FLNC: variants seen among roughly 807,000 people sequenced by gnomAD.
The protein encoded by FLNC is filamin C.
A neutral mutation model predicts 254.3 loss-of-function variants in FLNC; 91 were observed. The observed-to-expected ratio is 0.36, with a 90% CI of 0.30 to 0.43. FLNC has a LOEUF of 0.43. Ranked by LOEUF, FLNC falls within the 20% of genes least tolerant of loss-of-function variation. The pLI, the probability that FLNC is intolerant of heterozygous loss-of-function variation, is 1.00. For synonymous variants in FLNC, 1,430 were observed against 1,577.2 expected (o/e 0.91, Z 2.21); for missense variants, 2,853 against 3,802.6 (o/e 0.75, Z 6.57).
intron 1 of FLNC, among the ~76,000 whole-genome samples, chr7:128,832,408 C>G (rs1308626974): frequency 6.6e-6 from 1 of 152,204 alleles, no homozygotes; most frequent in Admixed American, 6.5e-5. Flanking sequence ...CCTGGGCCGG[C>G]ATCCTCAGCA....
In FLNC at chr7:128,841,707, C is replaced by T. The variant is rs764125546; in HGVS notation, c.2121+140C>T. ...CAGGCAGGACTGATACTCATGGGCC[C>T]ATCAGTACCATGGAAAATTTTAAAT... On this transcript the variant is annotated intron_variant, in intron 13 of 47. Coordinates refer to ENST00000325888, the MANE Select transcript of FLNC (RefSeq NM_001458.5). The surrounding 1 kb of genome is among the most constrained non-coding windows in gnomAD (Gnocchi z 4.3). 2 of 698,394 alleles carry T rather than the reference C, an allele frequency of 2.9e-6. No individual in the cohort carries two copies. The highest frequency in any genetic ancestry group is 5.2e-6 in the Non-Finnish European group (2 of 386,914). 43.3% of individuals were successfully genotyped at this position (698,394 alleles called of 1,614,324 possible).
intron 9 of FLNC, 37 bp from the exon 10 acceptor site, chr7:128,840,511 A>G (rs1808284428): frequency 6.2e-7 from 1 of 1,613,744 alleles, no homozygotes; most frequent in Non-Finnish European, 8.5e-7. Flanking sequence ...AAGGATATTG[A>G]TCTGCCTTCT....
Position 128,848,548 on chromosome 7 carries a change from T to C in FLNC, c.4581-13T>C, listed in dbSNP as rs1405255183. 6.2e-7 allele frequency: 1 copy of C among 1,613,624 alleles called. No homozygotes were observed. The highest frequency in any genetic ancestry group is 8.5e-7 in the Non-Finnish European group (1 of 1,179,978). On this transcript the variant is annotated splice_polypyrimidine_tract_variant and intron_variant, in intron 26 of 47. Transcript: ENST00000325888. Reference sequence around the variant, plus strand: ...GCCACCCAGCCAACTGTTTATCCCTTCTGCTCCTCAAGCCCCTTCAAGATC... The same window carrying C: ...GCCACCCAGCCAACTGTTTATCCCTCCTGCTCCTCAAGCCCCTTCAAGATC...
rs1367760687 is a variant in FLNC, at chr7:128,842,952, C to G, written c.2548C>G (p.Gln850Glu). 1 of 1,613,876 alleles carries G rather than the reference C, an allele frequency of 6.2e-7. No homozygotes were observed. The highest frequency in any genetic ancestry group is 1.1e-5 in the South Asian group (1 of 91,070). ...CACCATCATGGTGCTGTTTGCCAAC[C>G]AGGTACCTAAGCTCCTGGGTACTCA... ...RYTIMVLFAN[Q>E]EIPASPFHIK... Residue 850 changes from glutamine (Q) to glutamate (E), a missense_variant and splice_region_variant, in exon 16 of 48, where the codon CAG becomes GAG. By Grantham distance (29) the Gln-to-Glu change is conservative. Around this residue, in one of 10 missense-constraint regions of FLNC, gnomAD observed 1,573 missense variants for 1,883.5 expected, o/e 0.84. Coordinates refer to ENST00000325888, the MANE Select transcript of FLNC (RefSeq NM_001458.5). This position sits in a 1 kb window ranked among gnomAD's most constrained non-coding sequence, Gnocchi z 5.4.
At chr7:128,840,759 G>A in intron 10 of FLNC, 75 bp from the exon 11 acceptor site, 1 of 1,504,720 alleles carries the variant, frequency 6.6e-7, no homozygotes, top group Admixed American at 1.7e-5. Flanking sequence ...GGAGTTTGAG[G>A]GGAGATGGAG....
rs1431110219 is a variant in FLNC, at chr7:128,854,129, G to A, written c.6640G>A (p.Gly2214Ser). 3.1e-6 allele frequency: 5 copies of A among 1,612,632 alleles called. No homozygotes were observed. Among genetic ancestry groups the A allele is most frequent in the African/African-American group, 1.3e-5 (1 of 74,936 alleles). Reference sequence around the variant, plus strand: ...GCGGGTGGAGGAGTCCACCCAGGTCGGCGGGGACCCCTTCCCTGCTGTGTT... The same window carrying A: ...GCGGGTGGAGGAGTCCACCCAGGTCAGCGGGGACCCCTTCCCTGCTGTGTT... ...EVRVEESTQVGGDPFPAVFGD... is the reference protein window; with the variant it reads ...EVRVEESTQVSGDPFPAVFGD... The change falls in exon 40 of 48, where the codon GGC (glycine) becomes AGC (serine). Residue 2214 changes from glycine to serine, a missense_variant. By Grantham distance (56) the Gly-to-Ser change is moderately conservative (BLOSUM62 0). This residue lies in a region of FLNC where 551 missense variants were observed against 835.0 expected (regional missense o/e 0.66). Transcript: ENST00000325888.
chr7:128,830,736 G>A lies in FLNC; in HGVS notation c.99G>A (p.Pro33=), dbSNP rs1304663973. 5.0e-6 allele frequency: 8 copies of A among 1,613,024 alleles called. No individual in the cohort carries two copies. The Admixed American group carries it at 1.2e-4, about 24-fold the overall frequency. The change falls in exon 1 of 48, where the codon CCG becomes CCA. Residue 33 remains proline (P), a synonymous_variant. Transcript: ENST00000325888. ...AGAAGGACCTGGCGGAGGACGCGCC[G>A]TGGAAGAAGATCCAGCAGAACACAT... is the stretch of plus-strand genomic sequence containing the variant. The part of the protein sequence containing the change: ...STEKDLAEDA[P]WKKIQQNTFT...
In FLNC at chr7:128,842,282, A is replaced by G; in HGVS notation, c.2173A>G (p.Thr725Ala). The change falls in exon 14 of 48, where the codon ACC becomes GCC. Residue 725 changes from threonine to alanine, a missense_variant. This residue lies in a region of FLNC where 1,573 missense variants were observed against 1,883.5 expected (regional missense o/e 0.84). Transcript: ENST00000325888. This position sits in a 1 kb window ranked among gnomAD's most constrained non-coding sequence, Gnocchi z 5.4. ...CAAGGTGATCCCCAACGGCGACGGC[A>G]CCTTCCGCTGCTCCTACGTGCCCAC... is the stretch of plus-strand genomic sequence containing the variant. ...DIKVIPNGDG[T>A]FRCSYVPTKP... The G allele has an allele frequency of 6.2e-7, 1 of 1,613,656 alleles. No individual in the cohort carries two copies. The highest frequency in any genetic ancestry group is 8.5e-7 in the Non-Finnish European group (1 of 1,179,988).
At chr7:128,840,439 C>T in intron 9 of FLNC, 109 bp from the exon 10 acceptor site, 4 of 1,469,952 alleles carry the variant, frequency 2.7e-6, no homozygotes, top group Non-Finnish European at 3.8e-6. Context: ...CACTACAGCA[C>T]TGCCCTCGGG....
At chr7:128,854,940 G>A in intron 42 of FLNC, 28 bp downstream of exon 42, 1 of 1,612,512 alleles carries the variant, frequency 6.2e-7, no homozygotes, top group Non-Finnish European at 8.5e-7. Flanking sequence ...CAGTGGGGCT[G>A]GGCCTGCCTG....
At position 128,850,834 on chromosome 7, in the gene FLNC, A is replaced by G; in HGVS notation, c.5430A>G (p.Ala1810=). 1 of 1,613,742 alleles carries G rather than the reference A, an allele frequency of 6.2e-7. No individual in the cohort carries two copies. Among genetic ancestry groups the G allele is most frequent in the Non-Finnish European group, 8.5e-7 (1 of 1,180,016 alleles). ...TGCGGATGCCCTCGGGGAAGACGGC[A>G]CGGCCCAACATCACCGACAACAAGG... is the stretch of plus-strand genomic sequence containing the variant. The part of the protein sequence containing the change: ...GEVRMPSGKT[A]RPNITDNKDG... Residue 1810 remains alanine, a synonymous_variant, in exon 33 of 48, where the codon GCA becomes GCG. Coordinates refer to ENST00000325888, the MANE Select transcript of FLNC (RefSeq NM_001458.5).
rs904214570 is a variant in FLNC, at chr7:128,844,356, T to C, written c.3192+90T>C. On this transcript the variant is annotated intron_variant, in intron 20 of 47. Transcript: ENST00000325888. ...AGGGGGCAGAGGCCAGAGGGACTTATGTGCCTGGAGTGGGCACAGCCAAGG... is the reference window on the plus strand; with the variant it reads ...AGGGGGCAGAGGCCAGAGGGACTTACGTGCCTGGAGTGGGCACAGCCAAGG... 10 of 1,454,650 alleles carry C rather than the reference T, an allele frequency of 6.9e-6. No homozygotes were observed. The Admixed American group carries it at 1.1e-4, about 16-fold the overall frequency. 90.1% of individuals were successfully genotyped at this position (1,454,650 alleles called of 1,614,324 possible).
At position 128,830,563 on chromosome 7, in the gene FLNC, C is replaced by G. The variant is rs943893878; in HGVS notation, c.-75C>G. The G allele has an allele frequency of 7.7e-6, 10 of 1,292,488 alleles. No individual in the cohort carries two copies. In the African/African-American group the frequency reaches 1.5e-4, roughly 19 times the overall value. 80.1% of individuals were successfully genotyped at this position (1,292,488 alleles called of 1,614,324 possible). A position where few individuals can be genotyped will look rare whatever the true frequency, so the allele number is the denominator to read the frequency against. On this transcript the variant is annotated 5_prime_UTR_variant, in exon 1 of 48. Transcript: ENST00000325888. ...AGCGCAGCGAGTCCCGTGGTCGCGCCCCAACAGCGCCCGACAGCCCCCGAT... is the reference window on the plus strand; with the variant it reads ...AGCGCAGCGAGTCCCGTGGTCGCGCGCCAACAGCGCCCGACAGCCCCCGAT...
chr7:128,845,915 G>A, intron 21 of FLNC, 75 bp from the exon 22 acceptor site: 10 of 1,341,722 alleles, frequency 7.5e-6, no homozygotes, highest in Non-Finnish European at 1.1e-5. Context: ...AGAGGGAAAG[G>A]AGGGGGAGAG....
At position 128,852,688 on chromosome 7, in the gene FLNC, C is replaced by A. The variant is rs753591399; in HGVS notation, c.5940C>A (p.Ser1980Arg). The A allele has an allele frequency of 6.2e-7, 1 of 1,613,350 alleles. No individual in the cohort carries two copies. The highest frequency in any genetic ancestry group is 8.5e-7 in the Non-Finnish European group (1 of 1,179,996). ...TESDLSQLTA[S>R]IRAPSGNEEP... ...GTGATCTGAGCCAGCTGACCGCCAGCATCCGTGCCCCCTCGGGCAACGAGG... is the reference window on the plus strand; with the variant it reads ...GTGATCTGAGCCAGCTGACCGCCAGAATCCGTGCCCCCTCGGGCAACGAGG... The change falls in exon 36 of 48, where the codon AGC becomes AGA. Residue 1980 changes from serine (S) to arginine (R), a missense_variant. Around this residue, in one of 10 missense-constraint regions of FLNC, gnomAD observed 551 missense variants for 835.0 expected, o/e 0.66. Transcript: ENST00000325888.
In FLNC at chr7:128,858,334, A is replaced by G; in HGVS notation, c.7991-2A>G. On this transcript the variant is annotated splice_acceptor_variant, in intron 47 of 47. Transcript: ENST00000325888. LOFTEE classifies it high-confidence loss of function. The surrounding 1 kb of genome is among the most constrained non-coding windows in gnomAD (Gnocchi z 6.7). Reference sequence around the variant, plus strand: ...AGCCTGTCCCTCTGCCTCCCTCTCCAGGCACCAACATGATGATGGTGGGCG... The same window carrying G: ...AGCCTGTCCCTCTGCCTCCCTCTCCGGGCACCAACATGATGATGGTGGGCG... 1 of 1,504,664 alleles carries G rather than the reference A, an allele frequency of 6.6e-7. No individual in the cohort carries two copies. Among genetic ancestry groups the G allele is most frequent in the Non-Finnish European group, 9.2e-7 (1 of 1,086,228 alleles). 93.2% of individuals were successfully genotyped at this position (1,504,664 alleles called of 1,614,324 possible).
In FLNC at chr7:128,849,963, C is replaced by G. The variant is rs1808734316; in HGVS notation, c.5200-13C>G. 1.3e-6 allele frequency: 2 copies of G among 1,576,102 alleles called. No individual in the cohort carries two copies. The highest frequency in any genetic ancestry group is 1.7e-6 in the Non-Finnish European group (2 of 1,161,656). ...GCTGCCACACCCTGTGCCCCCGTGC[C>G]TTGCCTCCCCAGGCGTGTGACCCCC... On this transcript the variant is annotated splice_polypyrimidine_tract_variant and intron_variant, in intron 30 of 47. Transcript: ENST00000325888.
At chr7:128,850,509 G>A in intron 32 of FLNC, 26 bp downstream of exon 32, 4 of 1,560,408 alleles carry the variant, frequency 2.6e-6, no homozygotes, top group Non-Finnish European at 3.5e-6. Context: ...TCCCAGGCAT[G>A]AGGGCTGAGG....
At chr7:128,833,158 C>T (rs1807960361) in intron 1 of FLNC, among the ~76,000 whole-genome samples, 1 of 152,214 alleles carries the variant, frequency 6.6e-6, no homozygotes. Context: ...CCCGTTGCCC[C>T]TCGTTCCCTC....
Sources: allele counts gnomAD v4.1 joint callset (sites outside exome capture counted in the v4.1 genomes callset), GRCh38; gene constraint gnomAD v4.1.1; regional missense constraint gnomAD v4.1.1; non-coding constraint Gnocchi (gnomAD v3.1); transcripts MANE v1.5; gene names NCBI Gene and HGNC (gene_info 2026-07-23, HGNC 2026-07-21).